GTF3C4: variants seen among roughly 807,000 people sequenced by gnomAD.
GTF3C4 encodes the protein general transcription factor IIIC subunit 4, also known as general transcription factor 3C polypeptide 4.
Under a neutral mutation model 67.5 loss-of-function variants are expected in GTF3C4, and 28 were observed. The ratio of observed to expected loss-of-function variants is 0.41; its 90% CI spans 0.31 to 0.57. The LOEUF is 0.57. Among genes scored for constraint, GTF3C4 ranks in the 20% least tolerant of loss-of-function variants. The pLI, the probability that GTF3C4 is intolerant of heterozygous loss-of-function variation, is 0.21. For synonymous variants in GTF3C4, 409 were observed against 393.0 expected, an observed-to-expected ratio of 1.04 and a Z score of -0.48; for missense variants, 831 against 1,033.2, an observed-to-expected ratio of 0.80 and a Z score of 2.68.
chr9:132,688,458 A>G (rs1836063460), intron 4 of GTF3C4, among the ~76,000 whole-genome samples: 1 of 152,242 alleles, frequency 6.6e-6, no homozygotes, highest in Admixed American at 6.5e-5. Context: ...ATGAAAGACG[A>G]GGAGGATTTG....
rs1190849764 is a variant in GTF3C4 at position 132,693,390 on chromosome 9, A to T, written c.*4445A>T. On this transcript the variant is annotated 3_prime_UTR_variant, in exon 5 of 5. Coordinates refer to ENST00000372146, the MANE Select transcript of GTF3C4 (RefSeq NM_012204.4). ...ATACTCTAGGGCCAAGACCTACTATAAAATCTGGGGTCCTAACCAGAGAGT... is the reference window on the plus strand; with the variant it reads ...ATACTCTAGGGCCAAGACCTACTATTAAATCTGGGGTCCTAACCAGAGAGT... 2.0e-5 allele frequency: 3 copies of T among 152,202 alleles called. No homozygotes were observed. Among genetic ancestry groups the T allele is most frequent in the Non-Finnish European group, 4.4e-5 (3 of 68,030 alleles). 9.4% of individuals were successfully genotyped at this position (152,202 alleles called of 1,614,324 possible).
Position 132,678,396 on chromosome 9 carries a change from C to T in GTF3C4, c.777C>T (p.Thr259=). 6.2e-7 allele frequency: 1 copy of T among 1,614,174 alleles called. No individual in the cohort carries two copies. Among genetic ancestry groups the T allele is most frequent in the South Asian group, 1.1e-5 (1 of 91,078 alleles). The change falls in exon 2 of 5, where the codon ACC becomes ACT. Residue 259 remains threonine, a synonymous_variant. Transcript: ENST00000372146. The surrounding 1 kb of genome is among the most constrained non-coding windows in gnomAD (Gnocchi z 6.5). ...TGGAGTGGTCGGGCATCTGTACCAC[C>T]CAGCAGGTCAAGCATAACAACGAAT... is the stretch of plus-strand genomic sequence containing the variant. ...VRMEWSGICT[T]QQVKHNNECR...
Position 132,678,587 on chromosome 9 carries a change from A to G in GTF3C4, c.968A>G (p.His323Arg). The G allele has an allele frequency of 6.2e-7, 1 of 1,614,234 alleles. No individual in the cohort carries two copies. The highest frequency in any genetic ancestry group is 8.5e-7 in the Non-Finnish European group (1 of 1,180,040). The change falls in exon 2 of 5, where the codon CAC becomes CGC. Residue 323 changes from histidine to arginine, a missense_variant. Around this residue, in one of 4 missense-constraint regions of GTF3C4, gnomAD observed 390 missense variants for 540.3 expected, o/e 0.72. Coordinates refer to ENST00000372146, the MANE Select transcript of GTF3C4 (RefSeq NM_012204.4). The surrounding 1 kb of genome is among the most constrained non-coding windows in gnomAD (Gnocchi z 6.5). ...PSVLFWWEYE[H>R]NNRKMSGLIV... ...GTATTGTTTTGGTGGGAATATGAGC[A>G]CAATAATCGAAAAATGAGTGGCCTT... is the stretch of plus-strand genomic sequence containing the variant.
chr9:132,688,074 A>T (rs1230348284), intron 4 of GTF3C4, among the ~76,000 whole-genome samples: 1 of 152,234 alleles, frequency 6.6e-6, no homozygotes, highest in Non-Finnish European at 1.5e-5. Flanking sequence ...ATAAGTTGGT[A>T]TGTTGATACC....
chr9:132,672,015 ATACT>A (rs2130892163), intron 1 of GTF3C4, among the ~76,000 whole-genome samples: 1 of 152,318 alleles, frequency 6.6e-6, no homozygotes, highest in East Asian at 1.9e-4. Context: ...ACTTTGTAGC[ATACT>A]TAATTCAAGT....
chr9:132,670,389 C>A (rs531529938), upstream of GTF3C4: 9 of 1,171,214 alleles, frequency 7.7e-6, no homozygotes, highest in Non-Finnish European at 1.0e-5. Flanking sequence ...GCTCCCCGCT[C>A]GCTGTCCTTT....
Position 132,692,079 on chromosome 9 carries a change from G to A in GTF3C4, c.*3134G>A, listed in dbSNP as rs1836123175. 6.6e-6 allele frequency: 1 copy of A among 152,088 alleles called. No individual in the cohort carries two copies. The highest frequency in any genetic ancestry group is 2.4e-5 in the African/African-American group (1 of 41,408). The allele number at this position is 152,088 out of a possible 1,614,324, so 9.4% of individuals were successfully genotyped here. A position where few individuals can be genotyped will look rare whatever the true frequency, so the allele number is the denominator to read the frequency against. The stretch of plus-strand genomic sequence containing the variant: ...AGTTTGTGAATTGCTGCAATTCCTG[G>A]AATGGAAACAGGAATTAGGGTCACT... On this transcript the variant is annotated 3_prime_UTR_variant, in exon 5 of 5. Coordinates refer to ENST00000372146, the MANE Select transcript of GTF3C4 (RefSeq NM_012204.4).
chr9:132,694,392 C>G lies in GTF3C4; in HGVS notation c.*5447C>G, dbSNP rs941080129. On this transcript the variant is annotated 3_prime_UTR_variant, in exon 5 of 5. Transcript: ENST00000372146. ...TTCCCCTGTGTTCAACACTACAAAGCTACTCCTGCCAGAAGAGGGCAGAGT... is the reference window on the plus strand; with the variant it reads ...TTCCCCTGTGTTCAACACTACAAAGGTACTCCTGCCAGAAGAGGGCAGAGT... 1.3e-5 allele frequency: 2 copies of G among 152,252 alleles called. No homozygotes were observed. Among genetic ancestry groups the G allele is most frequent in the Non-Finnish European group, 2.9e-5 (2 of 68,044 alleles). 9.4% of individuals were successfully genotyped at this position (152,252 alleles called of 1,614,324 possible). A position where few individuals can be genotyped will look rare whatever the true frequency, so the allele number is the denominator to read the frequency against.
intron 1 of GTF3C4, among the ~76,000 whole-genome samples, chr9:132,676,048 A>G (rs1835860599): frequency 6.6e-6 from 1 of 151,400 alleles, no homozygotes; most frequent in Admixed American, 6.6e-5. Context: ...ACAGGCACCC[A>G]CCACCATGCC....
In GTF3C4 at chr9:132,678,747, T is replaced by C. The variant is rs1209788593; in HGVS notation, c.1128T>C (p.Cys376=). Residue 376 remains cysteine, a synonymous_variant, in exon 2 of 5, where the codon TGT becomes TGC. Coordinates refer to ENST00000372146, the MANE Select transcript of GTF3C4 (RefSeq NM_012204.4). The surrounding 1 kb of genome is among the most constrained non-coding windows in gnomAD (Gnocchi z 6.5). ...AGTTACCTGTGCACAGTATCAAATG[T>C]GTGCCACTTTATCATCCTTACCAGA... The part of the protein sequence containing the change: ...MDQLPVHSIK[C]VPLYHPYQKC... 6.2e-7 allele frequency: 1 copy of C among 1,614,126 alleles called. No homozygotes were observed. Among genetic ancestry groups the C allele is most frequent in the Non-Finnish European group, 8.5e-7 (1 of 1,179,938 alleles).
chr9:132,683,469 C>G (rs1444023781), intron 2 of GTF3C4, 94 bp from the exon 3 acceptor site: 1 of 1,137,384 alleles, frequency 8.8e-7, no homozygotes, highest in South Asian at 1.4e-5. Flanking sequence ...TTCTTTTTTT[C>G]TTTATTTTTT....
At chr9:132,674,266 T>C (rs1835833064) in intron 1 of GTF3C4, among the ~76,000 whole-genome samples, 1 of 152,270 alleles carries the variant, frequency 6.6e-6, no homozygotes, top group Non-Finnish European at 1.5e-5. Context: ...AATTAAATGA[T>C]TGGCTGCGGG....
chr9:132,690,939 T>TTTTA lies in GTF3C4; in HGVS notation c.*1999_*2002dup, dbSNP rs1346658642. 1 of 152,248 alleles carries TTTTA rather than the reference T, an allele frequency of 6.6e-6. No homozygotes were observed. The highest frequency in any genetic ancestry group is 1.5e-5 in the Non-Finnish European group (1 of 68,048). 9.4% of individuals were successfully genotyped at this position (152,248 alleles called of 1,614,324 possible). Reference sequence around the variant, plus strand: ...GACTGCTGCCATTTAAAACTTAGGTTTTTATTTAAAGCAGTTGTGCATTTT... The same window carrying TTTTA: ...GACTGCTGCCATTTAAAACTTAGGTTTTTATTTATTTAAAGCAGTTGTGCATTTT... On this transcript the variant is annotated 3_prime_UTR_variant, in exon 5 of 5. Coordinates refer to ENST00000372146, the MANE Select transcript of GTF3C4 (RefSeq NM_012204.4).
Position 132,678,703 on chromosome 9 carries a change from T to A in GTF3C4, c.1084T>A (p.Leu362Met). The change falls in exon 2 of 5, where the codon TTG becomes ATG. Residue 362 changes from leucine (L) to methionine (M), a missense_variant. Physicochemically the swap from Leu to Met is conservative, Grantham distance 15. Transcript: ENST00000372146. This position sits in a 1 kb window ranked among gnomAD's most constrained non-coding sequence, Gnocchi z 6.5. Reference sequence around the variant, plus strand: ...TTTCACTTTAAGGCAGCCTGTTATCTTGTGGAAAGAAATGGACCAGTTACC... The same window carrying A: ...TTTCACTTTAAGGCAGCCTGTTATCATGTGGAAAGAAATGGACCAGTTACC... ...GYFTLRQPVILWKEMDQLPVH... is the reference protein window; with the variant it reads ...GYFTLRQPVIMWKEMDQLPVH... 2 of 1,614,224 alleles carry A rather than the reference T, an allele frequency of 1.2e-6. No individual in the cohort carries two copies. The highest frequency in any genetic ancestry group is 1.7e-6 in the Non-Finnish European group (2 of 1,180,030).
chr9:132,674,284 CTG>C (rs1424058864), intron 1 of GTF3C4, among the ~76,000 whole-genome samples: 2 of 152,210 alleles, frequency 1.3e-5, no homozygotes, highest in African/African-American at 4.8e-5. Flanking sequence ...GGGCAGGCCT[CTG>C]GGAGCTGGAC....
chr9:132,670,950 C>T lies in GTF3C4; in HGVS notation c.352C>T (p.Leu118Phe). 2 of 1,606,824 alleles carry T rather than the reference C, an allele frequency of 1.2e-6. No homozygotes were observed. The highest frequency in any genetic ancestry group is 1.1e-5 in the South Asian group (1 of 90,872). The change falls in exon 1 of 5, where the codon CTC becomes TTC. Residue 118 changes from leucine to phenylalanine, a missense_variant. Leu to Phe is a conservative substitution (Grantham distance 22). Around this residue, in one of 4 missense-constraint regions of GTF3C4, gnomAD observed 237 missense variants for 212.7 expected, o/e 1.11. Coordinates refer to ENST00000372146, the MANE Select transcript of GTF3C4 (RefSeq NM_012204.4). ...GCCCGCACCGCTCAACAGCTGTCTC[C>T]TCAAAGTAAGTCATCCCCCGCCATC... ...SVPAPLNSCL[L>F]KVGSKTEVAE...
At chr9:132,681,359 T>G (rs1224329272) in intron 2 of GTF3C4, among the ~76,000 whole-genome samples, 1 of 152,162 alleles carries the variant, frequency 6.6e-6, no homozygotes, top group Non-Finnish European at 1.5e-5. Context: ...ACCAGAAGAT[T>G]GCACACCCGT....
chr9:132,674,981 T>C (rs983927318), intron 1 of GTF3C4, among the ~76,000 whole-genome samples: 3 of 152,100 alleles, frequency 2.0e-5, no homozygotes, highest in Non-Finnish European at 4.4e-5. Flanking sequence ...CAGTGAGCTG[T>C]AGTCACGCCA....
chr9:132,679,888 C>A lies in GTF3C4; in HGVS notation c.2184+85C>A. Reference sequence around the variant, plus strand: ...AATGACCTAAATTGAGTTCCTGAAGCTCAACTTTTGCTTTGACATTTTTTA... The same window carrying A: ...AATGACCTAAATTGAGTTCCTGAAGATCAACTTTTGCTTTGACATTTTTTA... On this transcript the variant is annotated intron_variant, in intron 2 of 4. Coordinates refer to ENST00000372146, the MANE Select transcript of GTF3C4 (RefSeq NM_012204.4). This position sits in a 1 kb window ranked among gnomAD's most constrained non-coding sequence, Gnocchi z 5.9. 1 of 1,303,196 alleles carries A rather than the reference C, an allele frequency of 7.7e-7. No homozygotes were observed. The highest frequency in any genetic ancestry group is 1.1e-6 in the Non-Finnish European group (1 of 951,426). The allele number at this position is 1,303,196 out of a possible 1,614,324, so 80.7% of individuals were successfully genotyped here.
Sources: allele counts gnomAD v4.1 joint callset (sites outside exome capture counted in the v4.1 genomes callset), GRCh38; gene constraint gnomAD v4.1.1; regional missense constraint gnomAD v4.1.1; non-coding constraint Gnocchi (gnomAD v3.1); transcripts MANE v1.5; gene names NCBI Gene and HGNC (gene_info 2026-07-23, HGNC 2026-07-21).